Variants in ATP6V0E1 observed in about 807,000 individuals in gnomAD.
ATP6V0E1 encodes the protein ATPase H+ transporting V0 subunit e1.
A neutral mutation model predicts 11.6 loss-of-function variants in ATP6V0E1; 4 were observed. That is an observed-to-expected ratio of 0.35 (90% confidence interval 0.17 to 0.79). The LOEUF is 0.79. ATP6V0E1 is among the 30% of genes least tolerant of loss of function. The pLI, the probability that ATP6V0E1 is intolerant of heterozygous loss-of-function variation, is 0.54. For missense variants in ATP6V0E1, 105 were observed against 100.0 expected (o/e 1.05, Z -0.21); for synonymous variants, 36 against 34.8 (o/e 1.04, Z -0.13).
chr5:172,995,186 C>T (rs1208272984), intron 2 of ATP6V0E1, among the ~76,000 whole-genome samples: 1 of 152,142 alleles, frequency 6.6e-6, no homozygotes, highest in Non-Finnish European at 1.5e-5. Flanking sequence ...TCACTGCAAC[C>T]TCGGCCTCCT....
chr5:173,005,595 T>C (rs1756216794), intron 2 of ATP6V0E1, among the ~76,000 whole-genome samples: 1 of 152,232 alleles, frequency 6.6e-6, no homozygotes, highest in Admixed American at 6.5e-5. Context: ...AATTTATCAA[T>C]TTTATTAATC....
chr5:172,984,040 C>T (rs898641848), intron 1 of ATP6V0E1, 76 bp downstream of exon 1: 2 of 1,407,776 alleles, frequency 1.4e-6, no homozygotes, highest in Admixed American at 3.4e-5. Context: ...AGGCACGACC[C>T]CCACACGGGT....
chr5:172,983,799 G>A lies in ATP6V0E1; in HGVS notation c.-62G>A. 6.6e-7 allele frequency: 1 copy of A among 1,522,910 alleles called. No homozygotes were observed. The highest frequency in any genetic ancestry group is 9.1e-7 in the Non-Finnish European group (1 of 1,100,564). The allele number at this position is 1,522,910 out of a possible 1,614,324, so 94.3% of individuals were successfully genotyped here. A position where few individuals can be genotyped will look rare whatever the true frequency, so the allele number is the denominator to read the frequency against. On this transcript the variant is annotated 5_prime_UTR_variant, in exon 1 of 4. Coordinates refer to ENST00000519374, the MANE Select transcript of ATP6V0E1 (RefSeq NM_003945.4). ...CACGCTGGTCACGCGGTCAGCTATT[G>A]ACACTTCCTGGTGGGATCCGAGTGA...
rs539555850 is a variant in ATP6V0E1, at chr5:172,988,114, T to C, written c.104+4150T>C. ...TGTTAAAAACTAAAACACAAACATA[T>C]TATTCTAGGCCCACACAGGTTCAGG... On this transcript the variant is annotated intron_variant, in intron 1 of 3. Transcript: ENST00000519374. 3.9e-5 allele frequency among the ~76,000 whole-genome samples: 6 copies of C among 152,224 alleles called. No homozygotes were observed. The South Asian group carries it at 6.2e-4, about 16-fold the overall frequency.
intron 2 of ATP6V0E1, among the ~76,000 whole-genome samples, chr5:173,012,627 G>A (rs1389676304): frequency 2.0e-5 from 3 of 151,980 alleles, no homozygotes; most frequent in Middle Eastern, 3.2e-3. Flanking sequence ...GGTGGCGCAT[G>A]CCTGTAATCC....
chr5:173,023,613 G>A (rs1049123533), intron 3 of ATP6V0E1, among the ~76,000 whole-genome samples: 2 of 152,230 alleles, frequency 1.3e-5, no homozygotes, highest in African/African-American at 4.8e-5. Context: ...GGGATGCTGA[G>A]GCAGGCAGAT....
At chr5:173,012,472 G>T (rs1405889973) in intron 2 of ATP6V0E1, among the ~76,000 whole-genome samples, 5 of 152,052 alleles carry the variant, frequency 3.3e-5, no homozygotes, top group Non-Finnish European at 5.9e-5. Context: ...TTTAAACGAG[G>T]CCGGGCATGG....
intron 1 of ATP6V0E1, among the ~76,000 whole-genome samples, chr5:172,985,837 G>C (rs1055655581): frequency 6.6e-6 from 1 of 152,218 alleles, no homozygotes; most frequent in Non-Finnish European, 1.5e-5. Context: ...GACTATGTTT[G>C]AGAAATGTGT....
chr5:173,031,254 A>ATT (rs755643482), intron 3 of ATP6V0E1, among the ~76,000 whole-genome samples: 2 of 142,430 alleles, frequency 1.4e-5, no homozygotes, highest in Non-Finnish European at 1.5e-5. Flanking sequence ...TAATTTTTGT[A>ATT]TTTTTTTTTT....
At chr5:172,984,053 G>A in intron 1 of ATP6V0E1, 89 bp downstream of exon 1, 1 of 1,305,244 alleles carries the variant, frequency 7.7e-7, no homozygotes, top group Admixed American at 1.7e-5. Context: ...ACACGGGTCA[G>A]AGAACGTTGC....
At chr5:173,028,214 T>C (rs1756591976) in intron 3 of ATP6V0E1, among the ~76,000 whole-genome samples, 1 of 152,194 alleles carries the variant, frequency 6.6e-6, no homozygotes, top group Non-Finnish European at 1.5e-5. Flanking sequence ...TTTAACAGAA[T>C]TATAGTGGTA....
At chr5:173,030,919 T>TGTATTTA (rs1442799911) in intron 3 of ATP6V0E1, among the ~76,000 whole-genome samples, 4 of 133,790 alleles carry the variant, frequency 3.0e-5, no homozygotes, top group African/African-American at 1.1e-4. Flanking sequence ...TGGCTAATTT[T>TGTATTTA]TGTATTTATT....
intron 3 of ATP6V0E1, among the ~76,000 whole-genome samples, chr5:173,022,660 A>G (rs890607426): frequency 1.3e-5 from 2 of 151,882 alleles, no homozygotes; most frequent in Non-Finnish European, 2.9e-5. Flanking sequence ...TGTTTTTGAA[A>G]GAGAGTCTCT....
At chr5:172,999,851 T>G (rs933185403) in intron 2 of ATP6V0E1, among the ~76,000 whole-genome samples, 1 of 152,222 alleles carries the variant, frequency 6.6e-6, no homozygotes, top group African/African-American at 2.4e-5. Flanking sequence ...TAGTATTGAC[T>G]TTATGAAATC....
At chr5:173,023,740 G>A (rs1304191695) in intron 3 of ATP6V0E1, among the ~76,000 whole-genome samples, 1 of 152,146 alleles carries the variant, frequency 6.6e-6, no homozygotes, top group Non-Finnish European at 1.5e-5. Flanking sequence ...AGCTATTCAG[G>A]AGGTTGAGGT....
intron 3 of ATP6V0E1, among the ~76,000 whole-genome samples, chr5:173,032,204 G>T (rs1159250187): frequency 6.6e-6 from 1 of 151,036 alleles, no homozygotes; most frequent in Non-Finnish European, 1.5e-5. Flanking sequence ...AAATCAAACC[G>T]CATGCCTTTG....
intron 2 of ATP6V0E1, among the ~76,000 whole-genome samples, chr5:173,015,474 C>T (rs1756386381): frequency 6.6e-6 from 1 of 152,142 alleles, no homozygotes; most frequent in South Asian, 2.1e-4. Context: ...AGGGTTGGGA[C>T]TTTCAGCCCC....
intron 1 of ATP6V0E1, 29 bp from the exon 2 acceptor site, chr5:172,994,746 A>T: frequency 6.5e-7 from 1 of 1,534,296 alleles, no homozygotes; most frequent in South Asian, 1.2e-5. Flanking sequence ...TAGTTATTTA[A>T]TGACATTTGC....
intron 2 of ATP6V0E1, among the ~76,000 whole-genome samples, chr5:172,999,014 T>C (rs538133834): frequency 1.3e-5 from 2 of 152,150 alleles, no homozygotes; most frequent in South Asian, 4.2e-4. Context: ...CGGGCACCTA[T>C]AATCCCAGCT....
Sources: allele counts gnomAD v4.1 joint callset (sites outside exome capture counted in the v4.1 genomes callset), GRCh38; gene constraint gnomAD v4.1.1; transcripts MANE v1.5; gene names NCBI Gene and HGNC (gene_info 2026-07-23, HGNC 2026-07-21).